FRAS1: variants seen among roughly 807,000 people sequenced by gnomAD.
FRAS1 encodes extracellular matrix organizing protein FRAS1.
Under a neutral mutation model 435.2 loss-of-function variants are expected in FRAS1, and 290 were observed. The observed-to-expected ratio is 0.67, with a 90% CI of 0.61 to 0.73. FRAS1 has a LOEUF of 0.73. Among genes scored for constraint, FRAS1 ranks in the 30% least tolerant of loss-of-function variants. The pLI is 0.00. For missense variants in FRAS1, 4,860 were observed against 5,001.5 expected, an observed-to-expected ratio of 0.97 and a Z score of 0.85; for synonymous variants, 1,800 against 1,851.0, an observed-to-expected ratio of 0.97 and a Z score of 0.71.
intron 28 of FRAS1, 81 bp from the exon 29 acceptor site, chr4:78,387,294 G>A: frequency 9.7e-7 from 1 of 1,031,938 alleles, no homozygotes; most frequent in Non-Finnish European, 1.4e-6. Context: ...AAAAAGTATA[G>A]GAATAACAAT....
At chr4:78,119,813 T>C (rs1402943564) in intron 2 of FRAS1, among the ~76,000 whole-genome samples, 2 of 152,238 alleles carry the variant, frequency 1.3e-5, no homozygotes, top group Non-Finnish European at 2.9e-5. Context: ...TACTGGTCCA[T>C]GGACCAGTGT....
intron 20 of FRAS1, among the ~76,000 whole-genome samples, chr4:78,362,069 A>G (rs1731091268): frequency 1.3e-5 from 2 of 152,226 alleles, no homozygotes; most frequent in South Asian, 4.1e-4. Flanking sequence ...AACAAGAGAC[A>G]GGGCTGTCTG....
At chr4:78,536,131 C>A (rs1174926446) in intron 71 of FRAS1, among the ~76,000 whole-genome samples, 1 of 151,004 alleles carries the variant, frequency 6.6e-6, no homozygotes, top group Non-Finnish European at 1.5e-5. Flanking sequence ...ATAGCCGACA[C>A]ATAGGAAACG....
rs1257913884 is a variant in FRAS1, at chr4:78,372,847, G to A, written c.2999G>A (p.Gly1000Asp). The A allele has an allele frequency of 6.2e-7, 1 of 1,612,586 alleles. No individual in the cohort carries two copies. The highest frequency in any genetic ancestry group is 1.7e-5 in the Admixed American group (1 of 60,004). Reference protein sequence around the residue: ...QCLSSFYQDSGLCKNCDSYCL... With the variant: ...QCLSSFYQDSDLCKNCDSYCL... Reference sequence around the variant, plus strand: ...TTGTCATCATTTTACCAGGACTCGGGCCTCTGCAAGAGTAAGTGTGTAGAG... The same window carrying A: ...TTGTCATCATTTTACCAGGACTCGGACCTCTGCAAGAGTAAGTGTGTAGAG... Residue 1000 changes from glycine to aspartate, a missense_variant, in exon 24 of 74, where the codon GGC (glycine) becomes GAC (aspartate). Physicochemically the swap from Gly to Asp is moderately conservative, Grantham distance 94. Transcript: ENST00000512123.
intron 60 of FRAS1, among the ~76,000 whole-genome samples, chr4:78,497,437 T>C (rs1003702090): frequency 2.0e-5 from 3 of 151,950 alleles, no homozygotes; most frequent in African/African-American, 7.3e-5. Context: ...TAGCCAAGAA[T>C]GACCCAGGCA....
intron 2 of FRAS1, among the ~76,000 whole-genome samples, chr4:78,217,608 TTTG>T (rs1189207220): frequency 2.0e-5 from 3 of 152,126 alleles, no homozygotes; most frequent in Non-Finnish European, 4.4e-5. Context: ...CTATTTTTAT[TTTG>T]TTAGCTCTTA....
At chr4:78,535,611 G>A (rs1721858688) in intron 71 of FRAS1, among the ~76,000 whole-genome samples, 1 of 152,164 alleles carries the variant, frequency 6.6e-6, no homozygotes, top group Non-Finnish European at 1.5e-5. Flanking sequence ...TCATTAAGAT[G>A]AGTGGAGTCT....
intron 29 of FRAS1, among the ~76,000 whole-genome samples, chr4:78,392,793 A>T (rs1477935782): frequency 2.0e-5 from 3 of 151,956 alleles, no homozygotes; most frequent in African/African-American, 7.2e-5. Context: ...CATCATGTAC[A>T]GAAAAAAAAA....
At chr4:78,097,251 C>A (rs1741858329) in intron 2 of FRAS1, among the ~76,000 whole-genome samples, 1 of 152,194 alleles carries the variant, frequency 6.6e-6, no homozygotes, top group Non-Finnish European at 1.5e-5. Flanking sequence ...TCATTATCAG[C>A]ATTTTGGTCA....
At chr4:78,429,014 A>G in intron 35 of FRAS1, 81 bp from the exon 36 acceptor site, 16 of 1,451,472 alleles carry the variant, frequency 1.1e-5, no homozygotes, top group East Asian at 2.5e-5. Context: ...GGACCAGACT[A>G]CAAGTTGATT....
At chr4:78,486,261 TA>T (rs1438305509) in intron 58 of FRAS1, among the ~76,000 whole-genome samples, 1 of 152,208 alleles carries the variant, frequency 6.6e-6, no homozygotes, top group African/African-American at 2.4e-5. Context: ...CTAAGAAGAT[TA>T]GCGAGGTAAC....
chr4:78,493,008 C>T (rs1325913613), intron 59 of FRAS1, among the ~76,000 whole-genome samples: 1 of 152,214 alleles, frequency 6.6e-6, no homozygotes, highest in African/African-American at 2.4e-5. Context: ...TGAACAGACA[C>T]TTCTCAAAAG....
intron 2 of FRAS1, among the ~76,000 whole-genome samples, chr4:78,220,128 A>G (rs1723988734): frequency 6.6e-6 from 1 of 152,160 alleles, no homozygotes; most frequent in African/African-American, 2.4e-5. Flanking sequence ...AATCTTTAAC[A>G]CTGTTCCCTC....
At chr4:78,065,161 T>G (rs894808769) in intron 1 of FRAS1, among the ~76,000 whole-genome samples, 1 of 145,742 alleles carries the variant, frequency 6.9e-6, no homozygotes, top group Non-Finnish European at 1.5e-5. Context: ...TAGTATATAG[T>G]GGGTATATAT....
chr4:78,248,774 T>G (rs1725376507), intron 4 of FRAS1, among the ~76,000 whole-genome samples: 1 of 151,998 alleles, frequency 6.6e-6, no homozygotes, highest in African/African-American at 2.4e-5. Context: ...GACCTTATCT[T>G]TCTTTTGGAC....
At chr4:78,153,102 G>A (rs1720738253) in intron 2 of FRAS1, among the ~76,000 whole-genome samples, 1 of 152,076 alleles carries the variant, frequency 6.6e-6, no homozygotes, top group South Asian at 2.1e-4. Flanking sequence ...CTTCCACACT[G>A]ATGCTGCAAT....
intron 2 of FRAS1, among the ~76,000 whole-genome samples, chr4:78,222,043 C>T (rs928498154): frequency 5.3e-5 from 8 of 152,242 alleles, no homozygotes; most frequent in Non-Finnish European, 1.2e-4. Flanking sequence ...TGGAAGAATA[C>T]AGGTGAGCAG....
chr4:78,417,847 G>A (rs1343472540), intron 32 of FRAS1, among the ~76,000 whole-genome samples: 3 of 152,242 alleles, frequency 2.0e-5, no homozygotes, highest in Admixed American at 2.0e-4. Flanking sequence ...AGGAGAGCAT[G>A]TCACACTCTA....
At chr4:78,271,239 A>G (rs1726661876) in intron 9 of FRAS1, among the ~76,000 whole-genome samples, 1 of 151,676 alleles carries the variant, frequency 6.6e-6, no homozygotes, top group Non-Finnish European at 1.5e-5. Flanking sequence ...ACAGGCCCCA[A>G]ATTAAATATT....
Sources: gnomAD v4.1 joint callset for allele counts (sites outside exome capture counted in the v4.1 genomes callset) on GRCh38, gnomAD v4.1.1 for gene constraint, MANE v1.5 for transcripts, NCBI Gene and HGNC (gene_info 2026-07-23, HGNC 2026-07-21) for gene names.